The following PDE10A variants were observed in gnomAD, a reference collection of about 807,000 sequenced individuals.
PDE10A encodes phosphodiesterase 10A, also known as cAMP and cAMP-inhibited cGMP 3',5'-cyclic phosphodiesterase 10A.
PDE10A carries 39 observed loss-of-function variants against 97.7 expected under a neutral mutation model. The ratio of observed to expected loss-of-function variants is 0.40; its 90% CI spans 0.31 to 0.52. The LOEUF (loss-of-function observed/expected upper bound fraction) is 0.52. PDE10A is among the 20% of genes least tolerant of loss of function. The pLI, the probability that PDE10A is intolerant of heterozygous loss-of-function variation, is 0.56. For missense variants in PDE10A, 731 were observed against 1,047.8 expected, an observed-to-expected ratio of 0.70 and a Z score of 4.17; for synonymous variants, 371 against 376.8, an observed-to-expected ratio of 0.98 and a Z score of 0.18.
At chr6:165,955,026 C>T (rs545597436) in intron 1 of PDE10A, among the ~76,000 whole-genome samples, 1 of 152,274 alleles carries the variant, frequency 6.6e-6, no homozygotes, top group African/African-American at 2.4e-5. Flanking sequence ...CTCCTCGCTG[C>T]CCAGGTTGGG....
At chr6:165,595,344 A>T (rs1786524630) in intron 1 of PDE10A, among the ~76,000 whole-genome samples, 1 of 152,242 alleles carries the variant, frequency 6.6e-6, no homozygotes, top group Non-Finnish European at 1.5e-5. Flanking sequence ...TATATTATAG[A>T]GTTAAGAAAA....
At chr6:165,437,564 A>C (rs1160991351) in intron 5 of PDE10A, among the ~76,000 whole-genome samples, 4 of 152,202 alleles carry the variant, frequency 2.6e-5, no homozygotes, top group African/African-American at 9.6e-5. Context: ...AAATTATCAA[A>C]AATTGAGTAA....
intron 1 of PDE10A, among the ~76,000 whole-genome samples, chr6:165,683,535 C>T (rs1444429896): frequency 6.6e-6 from 1 of 152,166 alleles, no homozygotes; most frequent in African/African-American, 2.4e-5. Flanking sequence ...GGATGTGTTT[C>T]ATTTGAGATC....
intron 1 of PDE10A, among the ~76,000 whole-genome samples, chr6:165,981,307 A>G (rs1785007469): frequency 6.6e-6 from 1 of 151,914 alleles, no homozygotes; most frequent in African/African-American, 2.4e-5. Context: ...CCACACTTTC[A>G]GATGAATAAT....
chr6:165,748,749 A>G (rs1170796727), intron 1 of PDE10A, among the ~76,000 whole-genome samples: 2 of 152,208 alleles, frequency 1.3e-5, no homozygotes, highest in African/African-American at 2.4e-5. Context: ...AAATGCACAC[A>G]GTGCGTGAAG....
At chr6:165,630,133 G>A (rs1788565225) in intron 1 of PDE10A, among the ~76,000 whole-genome samples, 1 of 152,078 alleles carries the variant, frequency 6.6e-6, no homozygotes, top group African/African-American at 2.4e-5. Context: ...GAACTGCACT[G>A]AGCTCAGGAG....
chr6:165,347,582 T>G (rs1306365987), intron 18 of PDE10A, among the ~76,000 whole-genome samples: 1 of 152,234 alleles, frequency 6.6e-6, no homozygotes, highest in Non-Finnish European at 1.5e-5. Flanking sequence ...ACTGCTGTTA[T>G]TAAAGTTAAT....
At chr6:165,463,590 T>G (rs894919919) in intron 3 of PDE10A, among the ~76,000 whole-genome samples, 1 of 152,220 alleles carries the variant, frequency 6.6e-6, no homozygotes, top group Non-Finnish European at 1.5e-5. Flanking sequence ...GGATCCTGAC[T>G]CCTGCGAGAA....
chr6:165,620,120 C>T lies in PDE10A; in HGVS notation c.865+41827G>A, dbSNP rs1788054426. Among the ~76,000 whole-genome samples, 9 of 152,148 alleles carry T rather than the reference C, an allele frequency of 5.9e-5. 1 individual carries two copies. Among genetic ancestry groups the T allele is most frequent in the Admixed American group, 5.9e-4 (9 of 15,272 alleles). On this transcript the variant is annotated intron_variant, in intron 1 of 21. Coordinates refer to ENST00000539869, the MANE Select transcript of PDE10A (RefSeq NM_001385079.1). ...CTTCTCCATTAATTGTATTATTTCC[C>T]TGTCAATTCCTGTCCTTTAGCTAAT...
chr6:165,575,618 G>A (rs1449320046), intron 1 of PDE10A, among the ~76,000 whole-genome samples: 2 of 152,126 alleles, frequency 1.3e-5, no homozygotes, highest in Non-Finnish European at 2.9e-5. Context: ...CCTGAAACAT[G>A]ATCAACAACA....
Position 165,378,648 on chromosome 6 carries a change from CTTG to C in PDE10A, c.2783+543_2783+545del, listed in dbSNP as rs551305109. Among the ~76,000 whole-genome samples, 14 of 152,304 alleles carry C rather than the reference CTTG, an allele frequency of 9.2e-5. No homozygotes were observed. In the East Asian group the frequency reaches 2.3e-3, roughly 25 times the overall value. ...AGGATATCTAATTTATCTAATCCTC[CTTG>C]TTGTAATTCCATGTTCACCAAATAA... On this transcript the variant is annotated intron_variant, in intron 18 of 21. Transcript: ENST00000539869.
chr6:165,937,767 A>T (rs776656582), intron 1 of PDE10A, among the ~76,000 whole-genome samples: 9 of 152,198 alleles, frequency 5.9e-5, no homozygotes, highest in Non-Finnish European at 7.3e-5. Flanking sequence ...ATTAAACACG[A>T]AACACACACA....
At chr6:165,761,953 T>A (rs907390877) in intron 1 of PDE10A, among the ~76,000 whole-genome samples, 11 of 152,244 alleles carry the variant, frequency 7.2e-5, no homozygotes, top group African/African-American at 2.7e-4. Flanking sequence ...CTGATGTTTA[T>A]GGTTTCTTTT....
intron 1 of PDE10A, among the ~76,000 whole-genome samples, chr6:165,920,478 G>T (rs1364580876): frequency 4.0e-5 from 6 of 151,744 alleles, no homozygotes; most frequent in African/African-American, 1.5e-4. Context: ...TGAGACCATT[G>T]GTCTTATACT....
intron 3 of PDE10A, among the ~76,000 whole-genome samples, chr6:165,468,181 C>T (rs1045880353): frequency 1.3e-5 from 2 of 152,220 alleles, no homozygotes; most frequent in East Asian, 3.9e-4. Context: ...CAGGTTCAAG[C>T]GATTCTCCTG....
At chr6:165,412,711 ACACGGTTACTC>A (rs1787965927) in intron 13 of PDE10A, among the ~76,000 whole-genome samples, 1 of 152,106 alleles carries the variant, frequency 6.6e-6, no homozygotes, top group South Asian at 2.1e-4. Context: ...CCTATGAGTT[ACACGGTTACTC>A]CTATGGAATC....
intron 17 of PDE10A, among the ~76,000 whole-genome samples, chr6:165,382,649 T>C (rs1785008920): frequency 6.6e-6 from 1 of 152,074 alleles, no homozygotes; most frequent in Non-Finnish European, 1.5e-5. Flanking sequence ...AAATAAACTG[T>C]ATTAAAATAT....
intron 8 of PDE10A, among the ~76,000 whole-genome samples, chr6:165,431,169 A>G (rs1381970261): frequency 6.6e-6 from 1 of 151,784 alleles, no homozygotes; most frequent in Non-Finnish European, 1.5e-5. Context: ...CATTTATTGC[A>G]TTAATTATAT....
chr6:165,571,156 A>C (rs1785030477), intron 1 of PDE10A, among the ~76,000 whole-genome samples: 1 of 152,200 alleles, frequency 6.6e-6, no homozygotes, highest in Non-Finnish European at 1.5e-5. Flanking sequence ...CATTATTTTG[A>C]TCCCATCTAC....
Sources: allele counts gnomAD v4.1 joint callset (sites outside exome capture counted in the v4.1 genomes callset), GRCh38; gene constraint gnomAD v4.1.1; transcripts MANE v1.5; gene names NCBI Gene and HGNC (gene_info 2026-07-23, HGNC 2026-07-21).